MTF2: variants seen among roughly 807,000 people sequenced by gnomAD.
MTF2 encodes metal-response element-binding transcription factor 2.
Under a neutral mutation model 79.5 loss-of-function variants are expected in MTF2, and 11 were observed. The ratio of observed to expected loss-of-function variants is 0.14; its 90% confidence interval spans 0.09 to 0.23. MTF2 has a LOEUF of 0.23. MTF2 is among the 10% of genes least tolerant of loss of function. The probability of loss-of-function intolerance (pLI) is 1.00; values close to 1 mark genes in which losing one functional copy is unlikely to be tolerated. For missense variants in MTF2, 486 were observed against 711.2 expected, an observed-to-expected ratio of 0.68 and a Z score of 3.60; for synonymous variants, 208 against 232.8, an observed-to-expected ratio of 0.89 and a Z score of 0.97.
At position 93,129,373 on chromosome 1, in the gene MTF2, A is replaced by T; in HGVS notation, c.1085A>T (p.Glu362Val). The T allele has an allele frequency of 6.3e-7, 1 of 1,587,360 alleles. No individual in the cohort carries two copies. The highest frequency in any genetic ancestry group is 8.6e-7 in the Non-Finnish European group (1 of 1,161,764). The change falls in exon 11 of 15, where the codon GAG becomes GTG. Residue 362 changes from glutamate (E) to valine (V), a missense_variant. Glu to Val is a moderately radical substitution (Grantham distance 121). Transcript: ENST00000370298. ...PVPPNVAFKA[E>V]KEPEGTSHEF... is the part of the protein sequence containing the mutation. Reference sequence around the variant, plus strand: ...CCACCAAATGTGGCTTTCAAAGCAGAGAAAGAACCTGAAGGAACATCTCAT... The same window carrying T: ...CCACCAAATGTGGCTTTCAAAGCAGTGAAAGAACCTGAAGGAACATCTCAT...
At chr1:93,132,291 A>G (rs1216615313) in intron 11 of MTF2, among the ~76,000 whole-genome samples, 3 of 152,208 alleles carry the variant, frequency 2.0e-5, no homozygotes, top group Admixed American at 6.5e-5. Flanking sequence ...TGCTTATTCT[A>G]TCACTTTCAG....
intron 1 of MTF2, among the ~76,000 whole-genome samples, chr1:93,102,095 G>A (rs1419783203): frequency 6.6e-6 from 1 of 152,174 alleles, no homozygotes; most frequent in African/African-American, 2.4e-5. Context: ...ACTGACCAGA[G>A]TCAACTGAGT....
At chr1:93,115,727 C>G in intron 6 of MTF2, 109 bp downstream of exon 6, 1 of 820,646 alleles carries the variant, frequency 1.2e-6, no homozygotes, top group Non-Finnish European at 1.7e-6. Flanking sequence ...ATGAACACAT[C>G]AGTGAAGAAA....
At chr1:93,134,231 T>C (rs1231644315) in intron 14 of MTF2, 36 bp downstream of exon 14, 1 of 1,420,372 alleles carries the variant, frequency 7.0e-7, no homozygotes, top group Non-Finnish European at 9.8e-7. Context: ...TTTACTTTTT[T>C]TACTCTAGAT....
chr1:93,127,363 C>T (rs544037865), intron 10 of MTF2, 64 bp downstream of exon 10: 3 of 1,066,434 alleles, frequency 2.8e-6, no homozygotes, highest in Admixed American at 3.6e-5. Context: ...GGAATAATGG[C>T]ATTGTTTAAG....
In MTF2 at chr1:93,138,650, T is replaced by C. The variant is rs1647498227; in HGVS notation, c.*1623T>C. The C allele has an allele frequency of 6.6e-6, 1 of 152,228 alleles. No individual in the cohort carries two copies. Among genetic ancestry groups the C allele is most frequent in the Admixed American group, 6.5e-5 (1 of 15,278 alleles). 9.4% of individuals were successfully genotyped at this position (152,228 alleles called of 1,614,324 possible). A position where few individuals can be genotyped will look rare whatever the true frequency, so the allele number is the denominator to read the frequency against. ...AAAAGTGCAAATTAAAAACTGTTAC[T>C]TCTGTTTACCTCCACCAAAACTTGA... On this transcript the variant is annotated 3_prime_UTR_variant, in exon 15 of 15. Coordinates refer to ENST00000370298, the MANE Select transcript of MTF2 (RefSeq NM_007358.4).
Position 93,119,388 on chromosome 1 carries a change from C to G in MTF2, c.784C>G (p.Leu262Val), listed in dbSNP as rs998752706. 7 of 1,602,550 alleles carry G rather than the reference C, an allele frequency of 4.4e-6. No individual in the cohort carries two copies. The highest frequency in any genetic ancestry group is 1.1e-5 in the South Asian group (1 of 88,834). The change falls in exon 8 of 15, where the codon CTA (leucine) becomes GTA (valine). Residue 262 changes from leucine (L) to valine (V), a missense_variant. Around this residue, in one of 4 missense-constraint regions of MTF2, gnomAD observed 177 missense variants for 364.0 expected, o/e 0.49. Transcript: ENST00000370298. ...CSSGPEYLKR[L>V]PLQWVDIAHL... ...TTCTGGACCAGAATACCTCAAACGT[C>G]TACCATTACAGTGGTAAGTGTGGAC...
At chr1:93,091,045 A>C (rs1020745071) in intron 1 of MTF2, among the ~76,000 whole-genome samples, 3 of 152,038 alleles carry the variant, frequency 2.0e-5, no homozygotes, top group African/African-American at 7.2e-5. Context: ...TGCCCCTAAA[A>C]CTTTTTTGAC....
intron 1 of MTF2, among the ~76,000 whole-genome samples, chr1:93,088,017 C>G (rs994677436): frequency 6.6e-6 from 1 of 152,104 alleles, no homozygotes; most frequent in African/African-American, 2.4e-5. Context: ...TACTACCTAC[C>G]AAAGATCCAG....
chr1:93,116,702 T>C (rs1354356926), intron 6 of MTF2, among the ~76,000 whole-genome samples: 1 of 152,008 alleles, frequency 6.6e-6, no homozygotes, highest in Non-Finnish European at 1.5e-5. Context: ...GGAGTCTTGC[T>C]ATTTGTCCAC....
chr1:93,088,358 A>G (rs558763420), intron 1 of MTF2, among the ~76,000 whole-genome samples: 99 of 152,100 alleles, frequency 6.5e-4, no homozygotes, highest in Admixed American at 1.1e-3. Flanking sequence ...ACCTTTCTTT[A>G]TTATTCATTG....
chr1:93,092,007 T>C (rs867539157), intron 1 of MTF2, among the ~76,000 whole-genome samples: 3 of 152,224 alleles, frequency 2.0e-5, no homozygotes, highest in Non-Finnish European at 1.5e-5. Context: ...TACTTTTTCT[T>C]TGGTAATTTT....
At chr1:93,097,677 A>C (rs567606568) in intron 1 of MTF2, among the ~76,000 whole-genome samples, 1 of 152,164 alleles carries the variant, frequency 6.6e-6, no homozygotes, top group South Asian at 2.1e-4. Flanking sequence ...AGCTCACTGC[A>C]ACCTCCACCT....
At chr1:93,111,916 C>T (rs1436990939) in intron 3 of MTF2, among the ~76,000 whole-genome samples, 1 of 152,022 alleles carries the variant, frequency 6.6e-6, no homozygotes, top group African/African-American at 2.4e-5. Flanking sequence ...GTGTTTCTTT[C>T]AGCTTTTGAA....
chr1:93,134,468 G>A (rs1042822477), intron 14 of MTF2: 7 of 334,110 alleles, frequency 2.1e-5, no homozygotes, highest in Admixed American at 4.7e-5. Flanking sequence ...AGCTGTGCTC[G>A]TTAGGCTTTT....
At chr1:93,081,061 G>T (rs973205651) in intron 1 of MTF2, 1 of 152,108 alleles carries the variant, frequency 6.6e-6, no homozygotes, top group Admixed American at 6.5e-5. Flanking sequence ...TTTGAATTAA[G>T]AACACACCTG....
intron 8 of MTF2, chr1:93,120,199 G>A (rs1227285339): frequency 6.4e-6 from 1 of 156,648 alleles, no homozygotes; most frequent in African/African-American, 2.4e-5. Context: ...GGGAGGCTGA[G>A]GCAGGAGAAT....
chr1:93,085,197 T>C (rs893103706), intron 1 of MTF2, among the ~76,000 whole-genome samples: 1 of 151,660 alleles, frequency 6.6e-6, no homozygotes, highest in Non-Finnish European at 1.5e-5. Context: ...TTCTTTCTTT[T>C]TTTTTTTTTG....
intron 8 of MTF2, chr1:93,120,312 A>G (rs1656423248): frequency 4.0e-6 from 1 of 248,728 alleles, no homozygotes; most frequent in Non-Finnish European, 7.5e-6. Flanking sequence ...AAAAAAAAAA[A>G]AAAAAAAAAG....
Sources: allele counts gnomAD v4.1 joint callset (sites outside exome capture counted in the v4.1 genomes callset), GRCh38; gene constraint gnomAD v4.1.1; regional missense constraint gnomAD v4.1.1; transcripts MANE v1.5; gene names NCBI Gene and HGNC (gene_info 2026-07-23, HGNC 2026-07-21).